Variants in SLC9C2 observed in about 807,000 individuals in gnomAD.
The protein encoded by SLC9C2 is solute carrier family 9 member C2 (putative).
A neutral mutation model predicts 140.2 loss-of-function variants in SLC9C2; 75 were observed. That is an observed-to-expected ratio of 0.53 (90% CI 0.44 to 0.65). SLC9C2 has a LOEUF of 0.65. Among genes scored for constraint, SLC9C2 ranks in the 30% least tolerant of loss-of-function variants. The pLI, the probability that SLC9C2 is intolerant of heterozygous loss-of-function variation, is 0.00. For synonymous variants in SLC9C2, 375 were observed against 420.9 expected (o/e 0.89, Z 1.34); for missense variants, 1,074 against 1,331.8 (o/e 0.81, Z 3.01).
intron 9 of SLC9C2, among the ~76,000 whole-genome samples, chr1:173,562,813 A>T (rs1280463886): frequency 1.3e-5 from 2 of 152,216 alleles, no homozygotes; most frequent in African/African-American, 2.4e-5. Context: ...AATATATATA[A>T]AAATTTTATT....
chr1:173,564,968 C>CTTTTTTTTTTTTT (rs564120430), intron 9 of SLC9C2, among the ~76,000 whole-genome samples: 2 of 113,620 alleles, frequency 1.8e-5, no homozygotes, highest in Non-Finnish European at 1.8e-5. Flanking sequence ...TTTTCTTTTT[C>CTTTTTTTTTTTTT]TTTTTTTTTT....
intron 22 of SLC9C2, among the ~76,000 whole-genome samples, chr1:173,518,265 G>GAAAA (rs58585946): frequency 2.9e-5 from 4 of 139,978 alleles, no homozygotes; most frequent in South Asian, 2.2e-4. Flanking sequence ...CCATCTCAAA[G>GAAAA]AAAAAAAAAA....
intron 22 of SLC9C2, 63 bp from the exon 23 acceptor site, chr1:173,517,767 T>C (rs958361966): frequency 5.9e-6 from 8 of 1,362,460 alleles, no homozygotes; most frequent in African/African-American, 4.5e-5. Context: ...GATCAAATCA[T>C]AGGAGCTCCC....
chr1:173,545,914 A>G (rs973127835), intron 13 of SLC9C2, among the ~76,000 whole-genome samples: 21 of 152,074 alleles, frequency 1.4e-4, no homozygotes, highest in African/African-American at 5.1e-4. Context: ...GTGGCTTCTC[A>G]TTCTTCAGAG....
intron 7 of SLC9C2, among the ~76,000 whole-genome samples, chr1:173,581,338 GATT>G (rs555472330): frequency 2.8e-4 from 43 of 152,300 alleles, no homozygotes; most frequent in African/African-American, 9.4e-4. Flanking sequence ...TTACTCCTGT[GATT>G]ATTTCACTCT....
In SLC9C2 at chr1:173,505,239, C is replaced by T. The variant is rs770815771; in HGVS notation, c.3310+8G>A. The T allele has an allele frequency of 6.2e-7, 1 of 1,609,060 alleles. No individual in the cohort carries two copies. Among genetic ancestry groups the T allele is most frequent in the Non-Finnish European group, 8.5e-7 (1 of 1,175,572 alleles). On this transcript the variant is annotated splice_region_variant and intron_variant, in intron 26 of 27. Coordinates refer to ENST00000367714, the MANE Select transcript of SLC9C2 (RefSeq NM_178527.4). The stretch of plus-strand genomic sequence containing the variant: ...TAGTTTTCCTACCACTAAAGGTCTA[C>T]CCCTTACCCATGACATTGGTGTTAC...
At chr1:173,584,158 T>C (rs1444048050) in intron 5 of SLC9C2, among the ~76,000 whole-genome samples, 1 of 151,614 alleles carries the variant, frequency 6.6e-6, no homozygotes, top group Non-Finnish European at 1.5e-5. Flanking sequence ...AAATGAAGTA[T>C]TATTCCTCCA....
At chr1:173,519,462 T>A (rs990814562) in intron 22 of SLC9C2, among the ~76,000 whole-genome samples, 1 of 152,070 alleles carries the variant, frequency 6.6e-6, no homozygotes, top group African/African-American at 2.4e-5. Context: ...ACCCATTGGA[T>A]TTCTGACCTA....
chr1:173,558,837 C>T (rs1044068362), intron 9 of SLC9C2, among the ~76,000 whole-genome samples: 2 of 152,354 alleles, frequency 1.3e-5, no homozygotes, highest in Non-Finnish European at 2.9e-5. Context: ...CGAGGGCCAA[C>T]TTAAGGATAA....
At chr1:173,551,384 GA>G (rs1663295269) in intron 11 of SLC9C2, among the ~76,000 whole-genome samples, 1 of 152,172 alleles carries the variant, frequency 6.6e-6, no homozygotes, top group Non-Finnish European at 1.5e-5. Context: ...ATGAATCTGT[GA>G]ATGTGGTGCA....
intron 9 of SLC9C2, among the ~76,000 whole-genome samples, chr1:173,569,603 T>C (rs1189155551): frequency 6.6e-6 from 1 of 152,090 alleles, no homozygotes; most frequent in East Asian, 1.9e-4. Flanking sequence ...CCTTCTGAGG[T>C]TATTTCCTAG....
chr1:173,523,481 A>G (rs536350224), intron 21 of SLC9C2, among the ~76,000 whole-genome samples: 85 of 152,362 alleles, frequency 5.6e-4, no homozygotes, highest in Middle Eastern at 3.4e-3. Context: ...TGGCATGTAG[A>G]GGATATTCAA....
At chr1:173,545,679 G>A (rs1178626694) in intron 13 of SLC9C2, among the ~76,000 whole-genome samples, 1 of 152,222 alleles carries the variant, frequency 6.6e-6, no homozygotes, top group African/African-American at 2.4e-5. Context: ...TAAATAGGAT[G>A]TAGCTTTTTG....
rs1270913070 is a variant in SLC9C2, at chr1:173,573,447, T to C, written c.903-122A>G. 7.3e-6 allele frequency: 5 copies of C among 684,106 alleles called. No individual in the cohort carries two copies. The East Asian group carries it at 1.3e-4, about 17-fold the overall frequency. The allele number at this position is 684,106 out of a possible 1,614,324, so 42.4% of individuals were successfully genotyped here. A position where few individuals can be genotyped will look rare whatever the true frequency, so the allele number is the denominator to read the frequency against. ...GTCTTAGCAGAGGCCCTTGCCTTCA[T>C]CTCTGTTATAGTCAACATTTAAAAG... On this transcript the variant is annotated intron_variant, in intron 8 of 27. Coordinates refer to ENST00000367714, the MANE Select transcript of SLC9C2 (RefSeq NM_178527.4).
intron 9 of SLC9C2, among the ~76,000 whole-genome samples, chr1:173,561,738 G>A (rs75870454): frequency 6.6e-6 from 1 of 152,114 alleles, no homozygotes; most frequent in African/African-American, 2.4e-5. Flanking sequence ...CAGATAAATT[G>A]ATGATCACTG....
chr1:173,560,406 A>G (rs2102119988), intron 9 of SLC9C2, among the ~76,000 whole-genome samples: 1 of 152,290 alleles, frequency 6.6e-6, no homozygotes, highest in South Asian at 2.1e-4. Flanking sequence ...GACCTGCCCT[A>G]CTCAAAGTTG....
At chr1:173,568,416 A>G (rs563018218) in intron 9 of SLC9C2, among the ~76,000 whole-genome samples, 1 of 152,296 alleles carries the variant, frequency 6.6e-6, no homozygotes, top group South Asian at 2.1e-4. Context: ...TTTGCTAAGG[A>G]TAATAACCTC....
intron 19 of SLC9C2, 134 bp downstream of exon 19, chr1:173,526,529 A>G: frequency 1.3e-6 from 1 of 780,836 alleles, no homozygotes; most frequent in Non-Finnish European, 2.1e-6. Context: ...CTGGCCCATT[A>G]GCTGTGTTTA....
At chr1:173,602,121 T>C (rs796890339) in intron 1 of SLC9C2, among the ~76,000 whole-genome samples, 6 of 152,308 alleles carry the variant, frequency 3.9e-5, no homozygotes, top group African/African-American at 1.4e-4. Context: ...GATATAGTAA[T>C]GTGCTTGCTT....
Sources: gnomAD v4.1 joint callset for allele counts (sites outside exome capture counted in the v4.1 genomes callset) on GRCh38, gnomAD v4.1.1 for gene constraint, MANE v1.5 for transcripts, NCBI Gene and HGNC (gene_info 2026-07-23, HGNC 2026-07-21) for gene names.